EGLN1: variants seen among roughly 807,000 people sequenced by gnomAD.
EGLN1 encodes the protein egl-9 family hypoxia inducible factor 1.
A neutral mutation model predicts 38.3 loss-of-function variants in EGLN1; 17 were observed. The observed-to-expected ratio is 0.44, with a 90% CI of 0.30 to 0.67. EGLN1 has a LOEUF of 0.67. Among genes scored for constraint, EGLN1 ranks in the 30% least tolerant of loss-of-function variants. EGLN1 has a pLI of 0.08. For synonymous variants in EGLN1, 283 were observed against 257.5 expected (o/e 1.10, Z -0.95); for missense variants, 477 against 603.3 (o/e 0.79, Z 2.19).
chr1:231,422,036 C>G lies in EGLN1; in HGVS notation c.-148G>C, dbSNP rs937084302. The G allele has an allele frequency of 4.7e-6, 4 of 855,600 alleles. No homozygotes were observed. In the African/African-American group the frequency reaches 5.4e-5, roughly 12 times the overall value. 53.0% of individuals were successfully genotyped at this position (855,600 alleles called of 1,614,324 possible). A position where few individuals can be genotyped will look rare whatever the true frequency, so the allele number is the denominator to read the frequency against. On this transcript the variant is annotated 5_prime_UTR_variant, in exon 1 of 5. Transcript: ENST00000366641. ...GCTACCCTCGCCTCAGGGAGGCCGG[C>G]ACCCCACGCCCTCGGCCCGGCCGCT... is the stretch of plus-strand genomic sequence containing the variant.
chr1:231,379,771 C>T (rs1688037069), intron 1 of EGLN1, among the ~76,000 whole-genome samples: 1 of 152,362 alleles, frequency 6.6e-6, no homozygotes, highest in Non-Finnish European at 1.5e-5. Context: ...ATGCTCCACA[C>T]AGACATTGGC....
intron 1 of EGLN1, among the ~76,000 whole-genome samples, chr1:231,391,598 A>G (rs928904881): frequency 7.2e-5 from 11 of 152,210 alleles, no homozygotes; most frequent in African/African-American, 2.4e-4. Context: ...TAAAAACTCA[A>G]ACTCTGTTAC....
chr1:231,391,082 TG>T (rs1688356375), intron 1 of EGLN1, among the ~76,000 whole-genome samples: 3 of 62,742 alleles, frequency 4.8e-5, no homozygotes, highest in East Asian at 5.5e-4. Flanking sequence ...GAACTCATTC[TG>T]TTTTTTTTTT....
rs371536347 is a variant in EGLN1 at position 231,421,057 on chromosome 1, C to A, written c.832G>T (p.Asp278Tyr). 6 of 1,614,156 alleles carry A rather than the reference C, an allele frequency of 3.7e-6. No individual in the cohort carries two copies. Among genetic ancestry groups the A allele is most frequent in the Non-Finnish European group, 5.1e-6 (6 of 1,180,032 alleles). Residue 278 changes from aspartate to tyrosine, a missense_variant, in exon 1 of 5, where the codon GAC becomes TAC. Physicochemically the swap from Asp to Tyr is radical, Grantham distance 160. Coordinates refer to ENST00000366641, the MANE Select transcript of EGLN1 (RefSeq NM_022051.3). This position sits in a 1 kb window ranked among gnomAD's most constrained non-coding sequence, Gnocchi z 5.5. ...TTCCCGTTACAGTGGCGTATCAGGT[C>A]GTCCATGCTGCTCATGAGCAGCCCA... is the stretch of plus-strand genomic sequence containing the variant. The part of the protein sequence containing the change: ...TIGLLMSSMD[D>Y]LIRHCNGKLG...
chr1:231,393,440 C>G (rs1688444597), intron 1 of EGLN1, among the ~76,000 whole-genome samples: 1 of 152,180 alleles, frequency 6.6e-6, no homozygotes, highest in African/African-American at 2.4e-5. Flanking sequence ...AATCTTGTTT[C>G]TAACAATTAC....
At chr1:231,416,424 T>C (rs1419900357) in intron 1 of EGLN1, among the ~76,000 whole-genome samples, 6 of 147,152 alleles carry the variant, frequency 4.1e-5, no homozygotes, top group East Asian at 2.0e-4. Flanking sequence ...GTTACATACA[T>C]ACAAAAAAAA....
At chr1:231,403,651 C>A (rs1688715991) in intron 1 of EGLN1, among the ~76,000 whole-genome samples, 1 of 151,004 alleles carries the variant, frequency 6.6e-6, no homozygotes, top group Non-Finnish European at 1.5e-5. Flanking sequence ...CGTGCCTGTA[C>A]TTGGCACTCA....
intron 1 of EGLN1, among the ~76,000 whole-genome samples, chr1:231,385,748 T>C (rs964856098): frequency 6.6e-6 from 1 of 152,226 alleles, no homozygotes; most frequent in Non-Finnish European, 1.5e-5. Context: ...GGCACCATTT[T>C]TGTAGTACAG....
intron 1 of EGLN1, among the ~76,000 whole-genome samples, chr1:231,397,274 G>A (rs1330850839): frequency 6.6e-6 from 1 of 151,996 alleles, no homozygotes; most frequent in Non-Finnish European, 1.5e-5. Context: ...CTATTCCTTG[G>A]GTGGCCACTT....
chr1:231,366,761 C>CT (rs537411040), intron 4 of EGLN1, among the ~76,000 whole-genome samples: 4 of 152,156 alleles, frequency 2.6e-5, no homozygotes, highest in Non-Finnish European at 5.9e-5. Context: ...TGTTCAGTGT[C>CT]TCTGAAAGCA....
At chr1:231,389,919 G>A (rs1345529339) in intron 1 of EGLN1, among the ~76,000 whole-genome samples, 2 of 152,118 alleles carry the variant, frequency 1.3e-5, no homozygotes, top group Non-Finnish European at 2.9e-5. Flanking sequence ...CTGTACTCCA[G>A]CCTGGCAATA....
chr1:231,376,116 A>G (rs1687951075), intron 1 of EGLN1, among the ~76,000 whole-genome samples: 3 of 152,190 alleles, frequency 2.0e-5, no homozygotes, highest in African/African-American at 4.8e-5. Context: ...GGTCCCTTGC[A>G]CTCATTTACA....
chr1:231,391,751 A>G (rs900583974), intron 1 of EGLN1, among the ~76,000 whole-genome samples: 1 of 152,186 alleles, frequency 6.6e-6, no homozygotes, highest in Admixed American at 6.5e-5. Context: ...CAAGCCTTAA[A>G]AACACACTAT....
At chr1:231,374,394 C>T (rs752439388) in intron 1 of EGLN1, among the ~76,000 whole-genome samples, 6 of 152,140 alleles carry the variant, frequency 3.9e-5, no homozygotes, top group African/African-American at 9.7e-5. Flanking sequence ...AGATCAAGTA[C>T]GTTTTTGTCC....
Position 231,370,680 on chromosome 1 carries a change from G to T in EGLN1, c.1030C>A (p.Arg344=), listed in dbSNP as rs752961498. The part of the protein sequence containing the change: ...WDAKVSGGIL[R]IFPEGKAQFA... ...TGGGCTTTGCCTTCTGGAAAAATTCGAAGTATACCTCCACTTACCTAGGAA... is the reference window on the plus strand; with the variant it reads ...TGGGCTTTGCCTTCTGGAAAAATTCTAAGTATACCTCCACTTACCTAGGAA... Residue 344 remains arginine (R), a synonymous_variant, in exon 3 of 5, where the codon CGA becomes AGA. Transcript: ENST00000366641. 9 of 1,614,070 alleles carry T rather than the reference G, an allele frequency of 5.6e-6. No individual in the cohort carries two copies. Among genetic ancestry groups the T allele is most frequent in the Non-Finnish European group, 7.6e-6 (9 of 1,180,018 alleles).
chr1:231,407,108 T>A (rs1688818093), intron 1 of EGLN1, among the ~76,000 whole-genome samples: 1 of 152,160 alleles, frequency 6.6e-6, no homozygotes, highest in Non-Finnish European at 1.5e-5. Flanking sequence ...CAGGTCAAAC[T>A]GCCATTTTTG....
At chr1:231,398,089 A>G (rs1164805225) in intron 1 of EGLN1, among the ~76,000 whole-genome samples, 3 of 152,246 alleles carry the variant, frequency 2.0e-5, no homozygotes, top group Admixed American at 2.0e-4. Context: ...AATCTTTGTA[A>G]TTGCATAATT....
At chr1:231,399,426 T>G (rs911519955) in intron 1 of EGLN1, among the ~76,000 whole-genome samples, 1 of 152,094 alleles carries the variant, frequency 6.6e-6, no homozygotes, top group African/African-American at 2.4e-5. Context: ...TTATTACATA[T>G]AGAGAAGAAT....
chr1:231,406,165 CAA>C (rs5781651), intron 1 of EGLN1, among the ~76,000 whole-genome samples: 1 of 139,080 alleles, frequency 7.2e-6, no homozygotes, highest in African/African-American at 2.9e-5. Context: ...GACTCCGTCT[CAA>C]AAAAAAAAAA....
Sources: gnomAD v4.1 joint callset for allele counts (sites outside exome capture counted in the v4.1 genomes callset) on GRCh38, gnomAD v4.1.1 for gene constraint, Gnocchi (gnomAD v3.1) non-coding constraint, MANE v1.5 for transcripts, NCBI Gene and HGNC (gene_info 2026-07-23, HGNC 2026-07-21) for gene names.